AADAT: variants seen among roughly 807,000 people sequenced by gnomAD.
The protein encoded by AADAT is aminoadipate aminotransferase, also known as kynurenine/alpha-aminoadipate aminotransferase, mitochondrial.
In AADAT, 25 loss-of-function variants were observed where a neutral mutation model predicts 56.2. The observed-to-expected ratio is 0.44, with a 90% CI of 0.32 to 0.62. The LOEUF (loss-of-function observed/expected upper bound fraction) is 0.62, where lower values mean the gene tolerates loss of function less well. AADAT is among the 20% of genes least tolerant of loss of function. AADAT has a pLI of 0.04. For synonymous variants in AADAT, 173 were observed against 164.7 expected (o/e 1.05, Z -0.39); for missense variants, 387 against 510.5 (o/e 0.76, Z 2.33).
At chr4:170,071,335 A>G (rs1731752726) in intron 5 of AADAT, among the ~76,000 whole-genome samples, 1 of 152,190 alleles carries the variant, frequency 6.6e-6, no homozygotes, top group African/African-American at 2.4e-5. Context: ...CAGAGCTTAA[A>G]ATGACAGGAA....
chr4:170,075,555 A>T (rs1286809047), intron 4 of AADAT, among the ~76,000 whole-genome samples: 1 of 152,188 alleles, frequency 6.6e-6, no homozygotes, highest in Non-Finnish European at 1.5e-5. Context: ...GTAATCCTTC[A>T]GCCTCAGCTG....
Position 170,068,639 on chromosome 4 carries a change from A to C in AADAT, c.852T>G (p.Val284=). The C allele has an allele frequency of 6.2e-7, 1 of 1,608,500 alleles. No individual in the cohort carries two copies. Among genetic ancestry groups the C allele is most frequent in the Admixed American group, 1.7e-5 (1 of 57,952 alleles). Residue 284 remains valine (V), a synonymous_variant, in exon 8 of 13, where the codon GTT becomes GTG. Transcript: ENST00000337664. ...ATGTTGAAACTTGTATGTGTAAAATAACTCTCTCTATTAAGGGTTTTGGAC... is the reference window on the plus strand; with the variant it reads ...ATGTTGAAACTTGTATGTGTAAAATCACTCTCTCTATTAAGGGTTTTGGAC... ...LTGPKPLIER[V]ILHIQVSTLH...
chr4:170,088,264 CAAAT>C (rs1732658036), intron 2 of AADAT, 128 bp downstream of exon 2: 1 of 943,688 alleles, frequency 1.1e-6, no homozygotes, highest in African/African-American at 1.7e-5. Flanking sequence ...ATTGAATGAC[CAAAT>C]GGGTCAATGG....
chr4:170,071,886 C>A (rs1665322810), intron 5 of AADAT, among the ~76,000 whole-genome samples: 1 of 152,052 alleles, frequency 6.6e-6, no homozygotes, highest in Admixed American at 6.6e-5. Flanking sequence ...TAAAGGGTAA[C>A]CATTCATAGT....
chr4:170,089,815 C>G lies in AADAT; in HGVS notation c.-125G>C, dbSNP rs1365326229. Reference sequence around the variant, plus strand: ...CAACGCCACCGCGAGATGTGTCCCCCCGCTGCGTCTGGCTTCCCGCGCGCG... The same window carrying G: ...CAACGCCACCGCGAGATGTGTCCCCGCGCTGCGTCTGGCTTCCCGCGCGCG... On this transcript the variant is annotated 5_prime_UTR_variant, in exon 1 of 13. Coordinates refer to ENST00000337664, the MANE Select transcript of AADAT (RefSeq NM_016228.4). 1.0e-6 allele frequency: 1 copy of G among 982,834 alleles called. No homozygotes were observed. The highest frequency in any genetic ancestry group is 1.5e-6 in the Non-Finnish European group (1 of 651,340). 60.9% of individuals were successfully genotyped at this position (982,834 alleles called of 1,614,324 possible).
chr4:170,078,412 T>A, intron 4 of AADAT, 97 bp downstream of exon 4: 2 of 647,416 alleles, frequency 3.1e-6, no homozygotes, highest in Non-Finnish European at 5.1e-6. Flanking sequence ...TAATAAGATA[T>A]TAACTTTATT....
chr4:170,078,501 A>G lies in AADAT; in HGVS notation c.444+8T>C, dbSNP rs1732145960. On this transcript the variant is annotated splice_region_variant and intron_variant, in intron 4 of 12. Transcript: ENST00000337664. ...AGAGAGTTGCCTTTAGTAAAAATGT[A>G]TACTCACACTTTGAAGAGTTCCTGA... is the stretch of plus-strand genomic sequence containing the variant. The G allele has an allele frequency of 6.3e-7, 1 of 1,578,000 alleles. No individual in the cohort carries two copies. The highest frequency in any genetic ancestry group is 8.7e-7 in the Non-Finnish European group (1 of 1,152,842).
chr4:170,088,448 G>T lies in AADAT; in HGVS notation c.184C>A (p.Gln62Lys), dbSNP rs201523439. The part of the protein sequence containing the change: ...VITVENGKTI[Q>K]FGEEMMKRAL... ...CTCTTCATCATCTCTTCTCCAAATTGGATGGTCTTTCCATTTTCTACAGTG... is the reference window on the plus strand; with the variant it reads ...CTCTTCATCATCTCTTCTCCAAATTTGATGGTCTTTCCATTTTCTACAGTG... Residue 62 changes from glutamine (Q) to lysine (K), a missense_variant, in exon 2 of 13, where the codon CAA (glutamine) becomes AAA (lysine). By Grantham distance (53) the Gln-to-Lys change is moderately conservative. Coordinates refer to ENST00000337664, the MANE Select transcript of AADAT (RefSeq NM_016228.4). The T allele has an allele frequency of 2.5e-6, 4 of 1,612,544 alleles. No homozygotes were observed. The highest frequency in any genetic ancestry group is 3.4e-6 in the Non-Finnish European group (4 of 1,178,822).
chr4:170,081,886 C>T lies in AADAT; in HGVS notation c.370-3303G>A, dbSNP rs145915246. Among the ~76,000 whole-genome samples the T allele has an allele frequency of 4.8e-3, 728 of 152,126 alleles. 7 individuals carry two copies. The highest frequency in any genetic ancestry group is 0.013 in the African/African-American group (536 of 41,466). ...TGATCTTAGCCAAAAGGCCGAGAAG[C>T]GATCATCCAAGAATATTGTATCCAG... On this transcript the variant is annotated intron_variant, in intron 3 of 12. Coordinates refer to ENST00000337664, the MANE Select transcript of AADAT (RefSeq NM_016228.4).
intron 7 of AADAT, 29 bp from the exon 8 acceptor site, chr4:170,068,716 C>A (rs1187503696): frequency 7.1e-7 from 1 of 1,408,250 alleles, no homozygotes; most frequent in Non-Finnish European, 9.8e-7. Context: ...GGCACGATAC[C>A]AATTCCATAT....
intron 5 of AADAT, among the ~76,000 whole-genome samples, chr4:170,072,289 ATG>A (rs561204228): frequency 7.2e-6 from 1 of 139,028 alleles, no homozygotes; most frequent in Admixed American, 7.1e-5. Flanking sequence ...GTGTATATAT[ATG>A]TGTGTGTGTA....
chr4:170,067,225 G>C (rs891605486), intron 9 of AADAT, 102 bp downstream of exon 9: 76 of 871,924 alleles, frequency 8.7e-5, no homozygotes, highest in Non-Finnish European at 1.3e-4. Flanking sequence ...TCCTTTCCGA[G>C]GATACTTAGG....
At chr4:170,069,120 G>C (rs1284311474) in intron 7 of AADAT, 28 bp downstream of exon 7, 3 of 1,586,570 alleles carry the variant, frequency 1.9e-6, no homozygotes, top group African/African-American at 1.4e-5. Flanking sequence ...ATTAGATCTA[G>C]CGTCAAGTTA....
chr4:170,092,170 C>T (rs575647988), upstream of AADAT, among the ~76,000 whole-genome samples: 56 of 152,376 alleles, frequency 3.7e-4, no homozygotes, highest in African/African-American at 1.3e-3. Context: ...CCAGCGGTAA[C>T]CCGCTTGGAT....
intron 7 of AADAT, 113 bp from the exon 8 acceptor site, chr4:170,068,800 T>A (rs1731611460): frequency 3.0e-6 from 2 of 664,722 alleles, no homozygotes; most frequent in Non-Finnish European, 5.0e-6. Context: ...AGGATCTAGA[T>A]AATTAAAACA....
At chr4:170,084,967 G>C (rs115710670) in intron 3 of AADAT, among the ~76,000 whole-genome samples, 2 of 152,146 alleles carry the variant, frequency 1.3e-5, no homozygotes, top group Non-Finnish European at 2.9e-5. Context: ...GAGACAGCAA[G>C]ACCAACCCCT....
At chr4:170,091,994 A>G (rs1236600640), upstream of AADAT, among the ~76,000 whole-genome samples, 1 of 152,208 alleles carries the variant, frequency 6.6e-6, no homozygotes, top group South Asian at 2.1e-4. Context: ...GGGGACTTGG[A>G]GAACTTTTGT....
Position 170,068,699 on chromosome 4 carries a change from G to A in AADAT, c.804-12C>T, listed in dbSNP as rs1234656055. On this transcript the variant is annotated splice_polypyrimidine_tract_variant and intron_variant, in intron 7 of 12. Transcript: ENST00000337664. ...ATCCTATTCTCAACCTACGTGGAAA[G>A]AGAAAAGGCACGATACCAATTCCAT... 6 of 1,536,110 alleles carry A rather than the reference G, an allele frequency of 3.9e-6. No homozygotes were observed. Among genetic ancestry groups the A allele is most frequent in the Non-Finnish European group, 5.3e-6 (6 of 1,131,610 alleles).
chr4:170,090,377 C>G (rs1376743917), upstream of AADAT: 3 of 152,314 alleles, frequency 2.0e-5, no homozygotes, highest in African/African-American at 7.2e-5. Flanking sequence ...GTCACTGGGA[C>G]TGTGCATTTT....
Sources: allele counts gnomAD v4.1 joint callset (sites outside exome capture counted in the v4.1 genomes callset), GRCh38; gene constraint gnomAD v4.1.1; transcripts MANE v1.5; gene names NCBI Gene and HGNC (gene_info 2026-07-23, HGNC 2026-07-21).